Variants in PPP1R16B observed in about 807,000 individuals in gnomAD.
The protein encoded by PPP1R16B is protein phosphatase 1 regulatory inhibitor subunit 16B.
Under a neutral mutation model 61.7 loss-of-function variants are expected in PPP1R16B, and 14 were observed. The ratio of observed to expected loss-of-function variants is 0.23; its 90% CI spans 0.15 to 0.35. The LOEUF is 0.35. PPP1R16B is among the 10% of genes least tolerant of loss of function. PPP1R16B has a pLI of 1.00. For missense variants in PPP1R16B, 547 were observed against 752.5 expected (o/e 0.73, Z 3.19); for synonymous variants, 266 against 305.3 (o/e 0.87, Z 1.34).
At chr20:38,889,885 T>C (rs1384986621) in intron 3 of PPP1R16B, among the ~76,000 whole-genome samples, 1 of 152,252 alleles carries the variant, frequency 6.6e-6, no homozygotes, top group Non-Finnish European at 1.5e-5. Context: ...CAGACGCGAC[T>C]GCACATGCAG....
At chr20:38,910,794 G>A (rs1415613176) in intron 10 of PPP1R16B, among the ~76,000 whole-genome samples, 1 of 152,016 alleles carries the variant, frequency 6.6e-6, no homozygotes, top group East Asian at 1.9e-4. Context: ...TCAAGAGATC[G>A]AGACCATCCT....
intron 2 of PPP1R16B, among the ~76,000 whole-genome samples, chr20:38,871,596 G>GGGAGGGAGGGAAGGAA (rs529224124): frequency 2.1e-5 from 3 of 144,444 alleles, no homozygotes; most frequent in Non-Finnish European, 3.0e-5. Flanking sequence ...AAGGGAGGGA[G>GGGAGGGAGGGAAGGAA]GGAGGGAGGG....
At position 38,907,114 on chromosome 20, in the gene PPP1R16B, A is replaced by G. The variant is rs1030183197; in HGVS notation, c.898+60A>G. On this transcript the variant is annotated intron_variant, in intron 8 of 10. Coordinates refer to ENST00000299824, the MANE Select transcript of PPP1R16B (RefSeq NM_015568.4). This position sits in a 1 kb window ranked among gnomAD's most constrained non-coding sequence, Gnocchi z 4.5. ...GGCAGTTATCAATGTTTTGATGGGT[A>G]GAGGGAGAAATAGATAAATATATGG... is the stretch of plus-strand genomic sequence containing the variant. 7.5e-7 allele frequency: 1 copy of G among 1,325,538 alleles called. No individual in the cohort carries two copies. Among genetic ancestry groups the G allele is most frequent in the African/African-American group, 1.4e-5 (1 of 69,158 alleles). 82.1% of individuals were successfully genotyped at this position (1,325,538 alleles called of 1,614,324 possible).
chr20:38,860,124 A>G (rs1177430099), intron 2 of PPP1R16B, among the ~76,000 whole-genome samples: 1 of 152,220 alleles, frequency 6.6e-6, no homozygotes, highest in Non-Finnish European at 1.5e-5. Flanking sequence ...CAGTGCCACC[A>G]TGCCCAGCTA....
intron 1 of PPP1R16B, among the ~76,000 whole-genome samples, chr20:38,822,504 C>CTTTTTT (rs972450839): frequency 3.9e-4 from 41 of 104,188 alleles, no homozygotes; most frequent in Non-Finnish European, 4.5e-4. Flanking sequence ...GCCTTCCAAT[C>CTTTTTT]TTTTTTTTTT....
intron 10 of PPP1R16B, among the ~76,000 whole-genome samples, chr20:38,916,000 T>C (rs189624075): frequency 1.8e-4 from 27 of 149,904 alleles, no homozygotes; most frequent in African/African-American, 6.1e-4. Flanking sequence ...AAGCACTGAC[T>C]AGGACCACCA....
In PPP1R16B at chr20:38,869,450, C is replaced by T. The variant is rs184037879; in HGVS notation, c.251-20145C>T. ...TTGGGATTACAGGCGTGAGCCACCG[C>T]GCCTGGCCTATTTTTAACTTTTTGG... On this transcript the variant is annotated intron_variant, in intron 2 of 10. Coordinates refer to ENST00000299824, the MANE Select transcript of PPP1R16B (RefSeq NM_015568.4). Among the ~76,000 whole-genome samples the T allele has an allele frequency of 5.0e-3, 754 of 152,244 alleles. 22 individuals are homozygous for T. The highest frequency in any genetic ancestry group is 0.042 in the Admixed American group (639 of 15,282).
chr20:38,888,255 C>T (rs1415002842), intron 2 of PPP1R16B, among the ~76,000 whole-genome samples: 1 of 152,198 alleles, frequency 6.6e-6, no homozygotes, highest in Admixed American at 6.5e-5. Flanking sequence ...TCAGAGGGCT[C>T]AGGGCCAGCC....
rs2084866751 is a variant in PPP1R16B, at chr20:38,835,935, C to T, written c.10C>T (p.His4Tyr). The change falls in exon 2 of 11, where the codon CAC becomes TAC. Residue 4 changes from histidine to tyrosine, a missense_variant. His to Tyr is a moderately conservative substitution (Grantham distance 83). Transcript: ENST00000299824. ...GGGGAGGGCGGTGGCCATGGCCAGTCACGTGGACCTGCTGACGGAGCTGCA... is the reference window on the plus strand; with the variant it reads ...GGGGAGGGCGGTGGCCATGGCCAGTTACGTGGACCTGCTGACGGAGCTGCA... MASHVDLLTELQLL... is the reference protein window; with the variant it reads MASYVDLLTELQLL... 1 of 1,540,636 alleles carries T rather than the reference C, an allele frequency of 6.5e-7. No homozygotes were observed. The highest frequency in any genetic ancestry group is 1.4e-5 in the African/African-American group (1 of 72,964).
At chr20:38,855,750 C>T (rs2084999683) in intron 2 of PPP1R16B, among the ~76,000 whole-genome samples, 1 of 151,580 alleles carries the variant, frequency 6.6e-6, no homozygotes, top group African/African-American at 2.4e-5. Context: ...GGGGTGCCCC[C>T]ATTGTGGCTG....
intron 1 of PPP1R16B, among the ~76,000 whole-genome samples, chr20:38,817,209 TAG>T (rs1280828826): frequency 3.3e-5 from 5 of 152,098 alleles, no homozygotes; most frequent in Non-Finnish European, 2.9e-5. Flanking sequence ...GCCTTGGGAC[TAG>T]AGAGTGGAAC....
intron 3 of PPP1R16B, among the ~76,000 whole-genome samples, chr20:38,892,716 C>T (rs775564885): frequency 1.3e-4 from 20 of 152,054 alleles, no homozygotes; most frequent in Non-Finnish European, 2.2e-4. Flanking sequence ...AACTGGGAAC[C>T]GATGACTCGA....
rs545448837 is a variant in PPP1R16B, at chr20:38,859,187, C to T, written c.250+23012C>T. 6.6e-5 allele frequency among the ~76,000 whole-genome samples: 10 copies of T among 152,232 alleles called. No individual in the cohort carries two copies. The East Asian group carries it at 9.7e-4, about 15-fold the overall frequency. ...AACTGCCATGGGAGGCTACCTGCTG[C>T]GGCATTTTGAAGTTTATCTCTTGCT... On this transcript the variant is annotated intron_variant, in intron 2 of 10. Coordinates refer to ENST00000299824, the MANE Select transcript of PPP1R16B (RefSeq NM_015568.4).
intron 10 of PPP1R16B, among the ~76,000 whole-genome samples, chr20:38,913,623 A>G (rs193079852): frequency 4.6e-5 from 7 of 152,286 alleles, no homozygotes; most frequent in African/African-American, 1.4e-4. Context: ...AGTAAGTAGA[A>G]TGCATCGACC....
intron 2 of PPP1R16B, among the ~76,000 whole-genome samples, chr20:38,867,372 G>T (rs1040920960): frequency 2.0e-5 from 3 of 152,224 alleles, no homozygotes; most frequent in Admixed American, 6.5e-5. Context: ...CAACTCAGGA[G>T]TCACCAGGGT....
chr20:38,809,467 G>A (rs2084684148), intron 1 of PPP1R16B, among the ~76,000 whole-genome samples: 1 of 152,116 alleles, frequency 6.6e-6, no homozygotes, highest in Non-Finnish European at 1.5e-5. Flanking sequence ...GGAGAGGCAG[G>A]CCTGGAGACA....
chr20:38,825,355 G>T (rs546756868), intron 1 of PPP1R16B, among the ~76,000 whole-genome samples: 1 of 152,206 alleles, frequency 6.6e-6, no homozygotes, highest in Admixed American at 6.5e-5. Flanking sequence ...TAAAAGAGCC[G>T]CAAGTGCTTT....
intron 1 of PPP1R16B, among the ~76,000 whole-genome samples, chr20:38,811,896 C>T (rs1399832759): frequency 6.6e-6 from 1 of 152,192 alleles, no homozygotes; most frequent in Admixed American, 6.5e-5. Context: ...GGACGATGAG[C>T]CCCATAAGGT....
At chr20:38,823,794 A>ACGGCTCCAAAAGTGATGG (rs2084787342) in intron 1 of PPP1R16B, among the ~76,000 whole-genome samples, 3 of 152,328 alleles carry the variant, frequency 2.0e-5, no homozygotes, top group Middle Eastern at 6.8e-3. Flanking sequence ...AAAAGTGATG[A>ACGGCTCCAAAAGTGATGG]CAGCTCCAAC....
Sources: gnomAD v4.1 joint callset for allele counts (sites outside exome capture counted in the v4.1 genomes callset) on GRCh38, gnomAD v4.1.1 for gene constraint, Gnocchi (gnomAD v3.1) non-coding constraint, MANE v1.5 for transcripts, NCBI Gene and HGNC (gene_info 2026-07-23, HGNC 2026-07-21) for gene names.